The following EML6 variants were observed in gnomAD, a reference collection of about 807,000 sequenced individuals.
EML6 encodes the protein EMAP like 6.
Under a neutral mutation model 240.1 loss-of-function variants are expected in EML6, and 154 were observed. That is an observed-to-expected ratio of 0.64 (90% confidence interval 0.56 to 0.73). The LOEUF (loss-of-function observed/expected upper bound fraction) is 0.73. Among genes scored for constraint, EML6 ranks in the 30% least tolerant of loss-of-function variants. The pLI is 0.00. For synonymous variants in EML6, 1,148 were observed against 899.0 expected (o/e 1.28, Z -4.95); for missense variants, 2,964 against 2,474.6 (o/e 1.20, Z -4.20).
chr2:54,898,710 T>A (rs572289354), intron 21 of EML6, among the ~76,000 whole-genome samples: 25 of 152,326 alleles, frequency 1.6e-4, no homozygotes, highest in African/African-American at 5.3e-4. Flanking sequence ...ACCTTTCAGA[T>A]GCCTGTGTGT....
In EML6 at chr2:54,850,271, G is replaced by A. The variant is rs1199357517; in HGVS notation, c.1444+53G>A. ...TCTGGAAAGCAAAATTTTGAACCAGGTGAAGGAAATACAGGACAAGTGTCA... is the reference window on the plus strand; with the variant it reads ...TCTGGAAAGCAAAATTTTGAACCAGATGAAGGAAATACAGGACAAGTGTCA... On this transcript the variant is annotated intron_variant, in intron 10 of 41. Coordinates refer to ENST00000356458, the MANE Select transcript of EML6 (RefSeq NM_001039753.4). 7.3e-6 allele frequency: 11 copies of A among 1,501,960 alleles called. No homozygotes were observed. The African/African-American group carries it at 1.3e-4, about 17-fold the overall frequency. The allele number at this position is 1,501,960 out of a possible 1,614,324, so 93.0% of individuals were successfully genotyped here.
At chr2:54,918,863 G>C (rs13391802) in intron 26 of EML6, among the ~76,000 whole-genome samples, 51,389 of 152,076 alleles carry the variant, frequency 0.34, 8,999 homozygotes, top group Middle Eastern at 0.39. Flanking sequence ...TTAGTTCACA[G>C]TGTACCCATT....
intron 2 of EML6, among the ~76,000 whole-genome samples, chr2:54,766,718 G>A (rs984246309): frequency 6.6e-6 from 1 of 151,996 alleles, no homozygotes; most frequent in Non-Finnish European, 1.5e-5. Flanking sequence ...AGGAGTTTTA[G>A]CATCAACTGA....
At chr2:54,943,495 T>A (rs1394327717) in intron 28 of EML6, among the ~76,000 whole-genome samples, 1 of 152,208 alleles carries the variant, frequency 6.6e-6, no homozygotes, top group Non-Finnish European at 1.5e-5. Flanking sequence ...TGCCGTCACC[T>A]TCCTTCCAAC....
chr2:54,825,377 C>G (rs1668536401), intron 5 of EML6, among the ~76,000 whole-genome samples: 2 of 152,052 alleles, frequency 1.3e-5, no homozygotes, highest in Non-Finnish European at 2.9e-5. Flanking sequence ...TTTCCTAGAT[C>G]TCTTTATTCT....
At chr2:54,965,123 C>T (rs899889094) in intron 38 of EML6, among the ~76,000 whole-genome samples, 5 of 152,160 alleles carry the variant, frequency 3.3e-5, no homozygotes, top group African/African-American at 7.2e-5. Context: ...CCCCTCCATA[C>T]GTGGGCCCTG....
In EML6 at chr2:54,725,981, G is replaced by T. The variant is rs1292754460; in HGVS notation, c.197+723G>T. Among the ~76,000 whole-genome samples the T allele has an allele frequency of 6.6e-6, 1 of 152,200 alleles. No homozygotes were observed. The highest frequency in any genetic ancestry group is 6.5e-5 in the Admixed American group (1 of 15,284). The stretch of plus-strand genomic sequence containing the variant: ...GGAGAGCTCATTTGGATGAATGGCC[G>T]TTTTAGGGGCCCTCCCGATTAAATG... On this transcript the variant is annotated intron_variant, in intron 2 of 41. Coordinates refer to ENST00000356458, the MANE Select transcript of EML6 (RefSeq NM_001039753.4). This position sits in a 1 kb window ranked among gnomAD's most constrained non-coding sequence, Gnocchi z 4.3.
intron 5 of EML6, among the ~76,000 whole-genome samples, chr2:54,827,315 T>C (rs1486619882): frequency 6.6e-6 from 1 of 152,226 alleles, no homozygotes; most frequent in East Asian, 1.9e-4. Context: ...CATTAAACAA[T>C]GAGCAAAGCT....
At chr2:54,818,713 C>G (rs779374426) in intron 4 of EML6, among the ~76,000 whole-genome samples, 2 of 152,164 alleles carry the variant, frequency 1.3e-5, no homozygotes, top group African/African-American at 2.4e-5. Flanking sequence ...TACCGCTTGC[C>G]AGTAAGGGTG....
intron 8 of EML6, among the ~76,000 whole-genome samples, chr2:54,846,923 A>ATTTTTTTTTTTTTTGGAGACAGG (rs34352060): frequency 7.7e-6 from 1 of 129,912 alleles, no homozygotes; most frequent in Non-Finnish European, 1.6e-5. Context: ...ATGAAGTAGT[A>ATTTTTTTTTTTTTTGGAGACAGG]TTTTTTTTTT....
intron 2 of EML6, among the ~76,000 whole-genome samples, chr2:54,779,883 A>T (rs1252018502): frequency 4.7e-4 from 68 of 143,712 alleles, no homozygotes; most frequent in African/African-American, 1.6e-3. Flanking sequence ...AAAAAAAAAG[A>T]ATATAGTAAG....
chr2:54,909,850 C>CAAAA (rs34171697), intron 24 of EML6, among the ~76,000 whole-genome samples: 1 of 68,500 alleles, frequency 1.5e-5, no homozygotes, highest in Non-Finnish European at 3.0e-5. Flanking sequence ...GACTCCATCT[C>CAAAA]AAAAAAAAAA....
At position 54,916,874 on chromosome 2, in the gene EML6, GTTCCC is replaced by G; in HGVS notation, c.3617_3621del (p.Ser1206PhefsTer6). The G allele has an allele frequency of 1.3e-6, 2 of 1,550,192 alleles. No individual in the cohort carries two copies. Among genetic ancestry groups the G allele is most frequent in the Non-Finnish European group, 1.7e-6 (2 of 1,145,800 alleles). On this transcript the variant is annotated frameshift_variant, in exon 26 of 42. Coordinates refer to ENST00000356458, the MANE Select transcript of EML6 (RefSeq NM_001039753.4). LOFTEE classifies it high-confidence loss of function. ...AATGCTGCCAGTCTTACCAAAGACTGTTCCCTTTTAGCCACCGGAGATGATTTTGG... is the reference window on the plus strand; with the variant it reads ...AATGCTGCCAGTCTTACCAAAGACTGTTTTAGCCACCGGAGATGATTTTGG...
intron 16 of EML6, among the ~76,000 whole-genome samples, chr2:54,877,826 C>T (rs377735429): frequency 4.6e-5 from 7 of 152,296 alleles, no homozygotes; most frequent in Admixed American, 3.3e-4. Context: ...CCTCATACTT[C>T]GTAGTGATGG....
chr2:54,747,710 G>A (rs1370207055), intron 2 of EML6, among the ~76,000 whole-genome samples: 4 of 151,740 alleles, frequency 2.6e-5, no homozygotes, highest in Admixed American at 6.6e-5. Context: ...ATTTTATTTG[G>A]GCCCTAAGCA....
intron 19 of EML6, 50 bp downstream of exon 19, chr2:54,892,706 A>G (rs1250389427): frequency 1.4e-5 from 20 of 1,452,812 alleles, no homozygotes; most frequent in Non-Finnish European, 1.7e-5. Context: ...TTCTAAAATT[A>G]TAAGGTAGTC....
rs773498648 is a variant in EML6 at position 54,797,164 on chromosome 2, C to CAAAAAAAA, written c.198-16050_198-16043dup. On this transcript the variant is annotated intron_variant, in intron 2 of 41. Coordinates refer to ENST00000356458, the MANE Select transcript of EML6 (RefSeq NM_001039753.4). ...TGGGTGACAGAGCAAGACTCCATCT[C>CAAAAAAAA]AAAAAAAAAAAAAAAAAAAAAAAAA... Among the ~76,000 whole-genome samples, 149 of 43,800 alleles carry CAAAAAAAA rather than the reference C, an allele frequency of 3.4e-3. 12 individuals carry two copies. Among genetic ancestry groups the CAAAAAAAA allele is most frequent in the African/African-American group, 7.4e-3 (76 of 10,288 alleles). The allele number at this position is 43,800 out of a possible 152,430, so 28.7% of individuals were successfully genotyped here.
At position 54,727,942 on chromosome 2, in the gene EML6, A is replaced by C. The variant is rs147023907; in HGVS notation, c.197+2684A>C. Among the ~76,000 whole-genome samples the C allele has an allele frequency of 1.2e-4, 19 of 152,336 alleles. No homozygotes were observed. In the East Asian group the frequency reaches 3.7e-3, roughly 29 times the overall value. ...AATAATGTAGGTTTTGGCAGAGCTC[A>C]TTAGGGCTCAGCATATGTGTCCTTC... On this transcript the variant is annotated intron_variant, in intron 2 of 41. Coordinates refer to ENST00000356458, the MANE Select transcript of EML6 (RefSeq NM_001039753.4).
intron 7 of EML6, among the ~76,000 whole-genome samples, chr2:54,841,974 C>T (rs1231905724): frequency 6.6e-6 from 1 of 152,046 alleles, no homozygotes; most frequent in Admixed American, 6.5e-5. Context: ...TTACCATATA[C>T]CCCTTCCCAC....
Sources: gnomAD v4.1 joint callset for allele counts (sites outside exome capture counted in the v4.1 genomes callset) on GRCh38, gnomAD v4.1.1 for gene constraint, Gnocchi (gnomAD v3.1) non-coding constraint, MANE v1.5 for transcripts, NCBI Gene and HGNC (gene_info 2026-07-23, HGNC 2026-07-21) for gene names.